LDLRAD4: variants seen among roughly 807,000 people sequenced by gnomAD.
LDLRAD4 encodes the protein low-density lipoprotein receptor class A domain-containing protein 4.
In LDLRAD4, 5 loss-of-function variants were observed where a neutral mutation model predicts 17.0. That is an observed-to-expected ratio of 0.29 (90% CI 0.15 to 0.62). The LOEUF (loss-of-function observed/expected upper bound fraction) is 0.62. Among genes scored for constraint, LDLRAD4 ranks in the 20% least tolerant of loss-of-function variants. LDLRAD4 has a pLI of 0.84. For synonymous variants in LDLRAD4, 168 were observed against 171.8 expected, an observed-to-expected ratio of 0.98 and a Z score of 0.17; for missense variants, 340 against 424.7, an observed-to-expected ratio of 0.80 and a Z score of 1.75.
intron 1 of LDLRAD4, among the ~76,000 whole-genome samples, chr18:13,267,618 G>A (rs1287094912): frequency 6.6e-6 from 1 of 152,256 alleles, no homozygotes. Flanking sequence ...ACTGAGATGA[G>A]CAAGCCTCAC....
At chr18:13,402,498 T>TA (rs2087318677) in intron 2 of LDLRAD4, among the ~76,000 whole-genome samples, 1 of 152,204 alleles carries the variant, frequency 6.6e-6, no homozygotes, top group Non-Finnish European at 1.5e-5. Flanking sequence ...AAAAGAGACT[T>TA]ACGAAAAATT....
rs1012231060 is a variant in LDLRAD4 at position 13,622,793 on chromosome 18, C to T, written c.336+1522C>T. ...TCAGAACCGCAGAAGGCTCAGACAT[C>T]GCTGCTTTGCCTTAATGTATTACGG... On this transcript the variant is annotated intron_variant, in intron 4 of 5. Coordinates refer to ENST00000359446, the Ensembl canonical transcript of LDLRAD4. The surrounding 1 kb of genome is among the most constrained non-coding windows in gnomAD (Gnocchi z 5.3). Among the ~76,000 whole-genome samples the T allele has an allele frequency of 6.6e-6, 1 of 152,200 alleles. No homozygotes were observed. The highest frequency in any genetic ancestry group is 2.4e-5 in the African/African-American group (1 of 41,456).
chr18:13,347,670 C>A (rs972443062), intron 1 of LDLRAD4, among the ~76,000 whole-genome samples: 1 of 152,188 alleles, frequency 6.6e-6, no homozygotes, highest in East Asian at 1.9e-4. Context: ...AGGGTGTTTT[C>A]CAATTTGGTT....
intron 1 of LDLRAD4, among the ~76,000 whole-genome samples, chr18:13,237,523 C>T (rs551614910): frequency 3.3e-5 from 5 of 152,300 alleles, no homozygotes; most frequent in African/African-American, 7.2e-5. Context: ...CCTGGTCCCA[C>T]GGCCAAGTGG....
intron 3 of LDLRAD4, among the ~76,000 whole-genome samples, chr18:13,499,311 C>T (rs2093565623): frequency 7.0e-6 from 1 of 142,078 alleles, no homozygotes; most frequent in Non-Finnish European, 1.5e-5. Context: ...TCCTTCTACT[C>T]ACACACGTCC....
At chr18:13,370,545 G>A (rs7244756) in intron 1 of LDLRAD4, among the ~76,000 whole-genome samples, 53,780 of 151,816 alleles carry the variant, frequency 0.35, 9,525 homozygotes, top group South Asian at 0.45. Context: ...ACTCTACAGC[G>A]GCACCATATA....
intron 1 of LDLRAD4, among the ~76,000 whole-genome samples, chr18:13,343,635 C>G (rs1350218879): frequency 2.0e-5 from 3 of 152,118 alleles, no homozygotes; most frequent in Non-Finnish European, 4.4e-5. Flanking sequence ...ATTTCTAGTT[C>G]TAGATCCCTG....
At chr18:13,526,069 G>A (rs917854441) in intron 3 of LDLRAD4, 7 of 152,220 alleles carry the variant, frequency 4.6e-5, no homozygotes, top group Non-Finnish European at 7.3e-5. Flanking sequence ...TTATTTTGGG[G>A]GGAAGGGAGC....
chr18:13,335,080 A>G (rs2082044093), intron 1 of LDLRAD4, among the ~76,000 whole-genome samples: 1 of 151,808 alleles, frequency 6.6e-6, no homozygotes, highest in Non-Finnish European at 1.5e-5. Context: ...GAGTTCTGTC[A>G]TGTTTTCTGT....
chr18:13,480,665 AGAGAGCACGT>A (rs2093061033), intron 3 of LDLRAD4, among the ~76,000 whole-genome samples: 1 of 152,334 alleles, frequency 6.6e-6, no homozygotes, highest in African/African-American at 2.4e-5. Flanking sequence ...GGTGGGAGGC[AGAGAGCACGT>A]GAGAAATCTC....
intron 3 of LDLRAD4, among the ~76,000 whole-genome samples, chr18:13,536,055 A>G (rs1038234646): frequency 6.6e-6 from 1 of 152,140 alleles, no homozygotes; most frequent in Non-Finnish European, 1.5e-5. Flanking sequence ...ATTACTGTAG[A>G]TTAATAGGAA....
chr18:13,308,321 A>T (rs1178840558), intron 1 of LDLRAD4, among the ~76,000 whole-genome samples: 1 of 152,212 alleles, frequency 6.6e-6, no homozygotes, highest in Non-Finnish European at 1.5e-5. Flanking sequence ...TGAACCTTTG[A>T]CTTAATTCCA....
chr18:13,349,115 A>C (rs1042917547), intron 1 of LDLRAD4, among the ~76,000 whole-genome samples: 3 of 152,234 alleles, frequency 2.0e-5, no homozygotes, highest in Non-Finnish European at 4.4e-5. Flanking sequence ...CAGTGAGATG[A>C]ACCCGGTACC....
At chr18:13,525,962 A>G (rs1246710325) in intron 3 of LDLRAD4, 1 of 152,160 alleles carries the variant, frequency 6.6e-6, no homozygotes, top group Admixed American at 6.5e-5. Flanking sequence ...CTGCATGCAG[A>G]TTTAGAGCAG....
At chr18:13,425,326 C>A (rs908284546) in intron 2 of LDLRAD4, among the ~76,000 whole-genome samples, 1 of 152,002 alleles carries the variant, frequency 6.6e-6, no homozygotes, top group African/African-American at 2.4e-5. Flanking sequence ...AGAAAACTTG[C>A]TTTCATTTAT....
rs183422911 is a variant in LDLRAD4 at position 13,498,636 on chromosome 18, C to T, written c.181+60252C>T. ...ACACTGGAGAATCCTTCTTGCCACACGTGTCCCACTGTGGACACTGGAGAA... is the reference window on the plus strand; with the variant it reads ...ACACTGGAGAATCCTTCTTGCCACATGTGTCCCACTGTGGACACTGGAGAA... On this transcript the variant is annotated intron_variant, in intron 3 of 5. Transcript: ENST00000359446. Among the ~76,000 whole-genome samples, 198 of 150,638 alleles carry T rather than the reference C, an allele frequency of 1.3e-3. 2 individuals are homozygous for T. The highest frequency in any genetic ancestry group is 1.8e-3 in the Non-Finnish European group (125 of 67,622).
At chr18:13,638,096 C>T (rs2042237740) in intron 4 of LDLRAD4, among the ~76,000 whole-genome samples, 1 of 151,950 alleles carries the variant, frequency 6.6e-6, no homozygotes, top group Middle Eastern at 3.2e-3. Flanking sequence ...AATGAGCTGC[C>T]TGAGATCACA....
chr18:13,252,134 G>GT, intron 1 of LDLRAD4, among the ~76,000 whole-genome samples: 1 of 148,078 alleles, frequency 6.8e-6, no homozygotes, highest in East Asian at 2.0e-4. Context: ...TTGTTTGTTT[G>GT]TTTTTTTGAG....
intron 3 of LDLRAD4, among the ~76,000 whole-genome samples, chr18:13,445,359 CAGAG>C (rs772446300): frequency 4.0e-5 from 6 of 151,538 alleles, no homozygotes; most frequent in African/African-American, 4.8e-5. Context: ...GTGTGGGTGT[CAGAG>C]AGTGTGTGTG....
Sources: gnomAD v4.1 joint callset for allele counts (sites outside exome capture counted in the v4.1 genomes callset) on GRCh38, gnomAD v4.1.1 for gene constraint, Gnocchi (gnomAD v3.1) non-coding constraint, MANE v1.5 for transcripts, NCBI Gene and HGNC (gene_info 2026-07-23, HGNC 2026-07-21) for gene names.